Variants in DDX23 observed in about 807,000 individuals in gnomAD.
DDX23 encodes DEAD-box helicase 23, also known as probable ATP-dependent RNA helicase DDX23.
In DDX23, 33 loss-of-function variants were observed where a neutral mutation model predicts 102.7. The observed-to-expected ratio is 0.32, with a 90% CI of 0.24 to 0.43. DDX23 has a LOEUF of 0.43. Ranked by LOEUF, DDX23 falls within the 20% of genes least tolerant of loss-of-function variation. DDX23 has a pLI of 1.00. For missense variants in DDX23, 549 were observed against 1,086.6 expected (o/e 0.51, Z 6.96); for synonymous variants, 352 against 376.0 (o/e 0.94, Z 0.74).
intron 3 of DDX23, among the ~76,000 whole-genome samples, chr12:48,841,434 T>G (rs1161049816): frequency 2.0e-5 from 3 of 152,050 alleles, no homozygotes; most frequent in Non-Finnish European, 4.4e-5. Context: ...TAGAAAAGCT[T>G]CAGGCTCCCT....
intron 1 of DDX23, among the ~76,000 whole-genome samples, chr12:48,848,046 G>A (rs1346546571): frequency 3.9e-5 from 6 of 152,228 alleles, no homozygotes; most frequent in African/African-American, 7.2e-5. Context: ...AGCACTTTGG[G>A]AGGCTGAGGC....
chr12:48,850,248 C>A (rs1938735250), intron 1 of DDX23, among the ~76,000 whole-genome samples: 1 of 152,094 alleles, frequency 6.6e-6, no homozygotes, highest in African/African-American at 2.4e-5. Flanking sequence ...GGAGGCAAAG[C>A]TAACAGGACT....
intron 6 of DDX23, 23 bp from the exon 7 acceptor site, chr12:48,837,680 C>G: frequency 6.2e-7 from 1 of 1,613,608 alleles, no homozygotes; most frequent in Non-Finnish European, 8.5e-7. Flanking sequence ...GAAAGCAAAG[C>G]TGCAGAAGAG....
chr12:48,845,850 A>AT, intron 1 of DDX23, 68 bp from the exon 2 acceptor site: 1 of 1,512,566 alleles, frequency 6.6e-7, no homozygotes, highest in Non-Finnish European at 9.0e-7. Flanking sequence ...ATATAATTCA[A>AT]TTACCCTCAA....
intron 3 of DDX23, among the ~76,000 whole-genome samples, chr12:48,842,726 G>A (rs1250724130): frequency 1.3e-5 from 2 of 151,314 alleles, no homozygotes; most frequent in Middle Eastern, 3.4e-3. Context: ...GGTGAGGGGC[G>A]CCTCTGCCCG....
At chr12:48,849,246 C>G (rs780772903) in intron 1 of DDX23, among the ~76,000 whole-genome samples, 2 of 152,044 alleles carry the variant, frequency 1.3e-5, no homozygotes, top group Non-Finnish European at 2.9e-5. Flanking sequence ...CCTGTAGTAC[C>G]AGCACCTTGG....
chr12:48,850,004 G>A (rs189259030), intron 1 of DDX23, among the ~76,000 whole-genome samples: 13 of 152,340 alleles, frequency 8.5e-5, no homozygotes, highest in Admixed American at 3.3e-4. Context: ...ATGTGTTACA[G>A]GTCAGAGTAG....
In DDX23 at chr12:48,840,086, T is replaced by C. The variant is rs775215353; in HGVS notation, c.341A>G (p.Lys114Arg). 7 of 1,614,008 alleles carry C rather than the reference T, an allele frequency of 4.3e-6. No homozygotes were observed. The highest frequency in any genetic ancestry group is 5.1e-6 in the Non-Finnish European group (6 of 1,179,954). Residue 114 changes from lysine (K) to arginine (R), a missense_variant, in exon 4 of 17, where the codon AAA becomes AGA. Transcript: ENST00000308025. Reference sequence around the variant, plus strand: ...TCTGTCCTTCCGAGATTTAAAGTCTTTTCCTCGACCAGGAGATAAGCTTTG... The same window carrying C: ...TCTGTCCTTCCGAGATTTAAAGTCTCTTCCTCGACCAGGAGATAAGCTTTG... Reference protein sequence around the residue: ...KRSSLSPGRGKDFKSRKDRDS... With the variant: ...KRSSLSPGRGRDFKSRKDRDS...
At position 48,837,403 on chromosome 12, in the gene DDX23, G is replaced by A. The variant is rs770600773; in HGVS notation, c.754-10C>T. On this transcript the variant is annotated splice_polypyrimidine_tract_variant and intron_variant, in intron 7 of 16. Transcript: ENST00000308025. ...CACCCAGGTAACGCTCCTACCCAGG[G>A]ACAGAACACAAAGCACATGAGCTTT... 5.0e-6 allele frequency: 8 copies of A among 1,613,904 alleles called. No homozygotes were observed. The African/African-American group carries it at 1.1e-4, about 22-fold the overall frequency.
chr12:48,845,981 G>T (rs1938661129), intron 1 of DDX23, among the ~76,000 whole-genome samples, 199 bp from the exon 2 acceptor site: 1 of 152,192 alleles, frequency 6.6e-6, no homozygotes. Flanking sequence ...CAGGCAGTCT[G>T]GCTCCACAGG....
chr12:48,852,055 G>A (rs1938770469), intron 1 of DDX23, 29 bp downstream of exon 1: 1 of 152,322 alleles, frequency 6.6e-6, no homozygotes, highest in African/African-American at 2.4e-5. Flanking sequence ...GTAAGCTCGT[G>A]GGAACCGCCT....
In DDX23 at chr12:48,845,696, C is replaced by T. The variant is rs1592205027; in HGVS notation, c.87G>A (p.Glu29=). 3.7e-6 allele frequency: 6 copies of T among 1,614,228 alleles called. No individual in the cohort carries two copies. Among genetic ancestry groups the T allele is most frequent in the Non-Finnish European group, 5.1e-6 (6 of 1,180,038 alleles). ...ERKRSRTPDR[E]RDRDRDRKSS... The stretch of plus-strand genomic sequence containing the variant: ...ACTTCCGGTCCCGGTCTCTATCCCG[C>T]TCTCTGTCAGGAGTCCGTGATCGCT... Residue 29 remains glutamate (E), a synonymous_variant, in exon 2 of 17, where the codon GAG becomes GAA. Coordinates refer to ENST00000308025, the MANE Select transcript of DDX23 (RefSeq NM_004818.3).
intron 1 of DDX23, among the ~76,000 whole-genome samples, chr12:48,850,652 G>T (rs1164414885): frequency 6.6e-6 from 1 of 152,180 alleles, no homozygotes; most frequent in African/African-American, 2.4e-5. Flanking sequence ...GGATGAACCA[G>T]AGAAAAAGAC....
intron 7 of DDX23, 61 bp downstream of exon 7, chr12:48,837,463 C>T: frequency 6.2e-7 from 1 of 1,612,782 alleles, no homozygotes; most frequent in South Asian, 1.1e-5. Flanking sequence ...ATCACAATGG[C>T]CAAATAACTA....
At chr12:48,842,838 G>A (rs1033061289) in intron 3 of DDX23, among the ~76,000 whole-genome samples, 50 of 152,214 alleles carry the variant, frequency 3.3e-4, no homozygotes, top group Admixed American at 2.2e-3. Context: ...TGACAGTGGC[G>A]GTTTTGTGGA....
At position 48,836,464 on chromosome 12, in the gene DDX23, GCC is replaced by G; in HGVS notation, c.1236+103_1236+104del. On this transcript the variant is annotated intron_variant, in intron 10 of 16. Transcript: ENST00000308025. This position sits in a 1 kb window ranked among gnomAD's most constrained non-coding sequence, Gnocchi z 6.1. ...AAGTGACAGAAAAGGTCACATTGGT[GCC>G]CACTAGCAGCGATGGCTCCAAATAG... 1 of 1,288,264 alleles carries G rather than the reference GCC, an allele frequency of 7.8e-7. No homozygotes were observed. The highest frequency in any genetic ancestry group is 1.4e-5 in the South Asian group (1 of 73,546). The allele number at this position is 1,288,264 out of a possible 1,614,324, so 79.8% of individuals were successfully genotyped here.
chr12:48,837,523 C>A lies in DDX23; in HGVS notation c.753+1G>T. Reference sequence around the variant, plus strand: ...AGTGAAGATGGAGCCAAGGCCTGCACCTTAATGGCATGCAGTTCCTTGCTC... The same window carrying A: ...AGTGAAGATGGAGCCAAGGCCTGCAACTTAATGGCATGCAGTTCCTTGCTC... On this transcript the variant is annotated splice_donor_variant, in intron 7 of 16. Transcript: ENST00000308025. LOFTEE classifies it high-confidence loss of function. 1 of 1,614,148 alleles carries A rather than the reference C, an allele frequency of 6.2e-7. No homozygotes were observed. The highest frequency in any genetic ancestry group is 8.5e-7 in the Non-Finnish European group (1 of 1,180,034).
intron 3 of DDX23, among the ~76,000 whole-genome samples, chr12:48,840,550 ATTTTT>A (rs747756955): frequency 1.5e-5 from 2 of 131,918 alleles, no homozygotes; most frequent in African/African-American, 2.9e-5. Context: ...TTAGAGAAAA[ATTTTT>A]TTTTTTTTTT....
chr12:48,832,911 C>T lies in DDX23; in HGVS notation c.1804-338G>A. ...CAGAGGACTGTACCTAGGCACACTT[C>T]ATTCTAGAAACATGTACTCTGAGCC... On this transcript the variant is annotated intron_variant, in intron 13 of 16. Coordinates refer to ENST00000308025, the MANE Select transcript of DDX23 (RefSeq NM_004818.3). The surrounding 1 kb of genome is among the most constrained non-coding windows in gnomAD (Gnocchi z 4.4). The T allele has an allele frequency of 2.2e-6, 1 of 446,540 alleles. No individual in the cohort carries two copies. Among genetic ancestry groups the T allele is most frequent in the Non-Finnish European group, 4.0e-6 (1 of 247,314 alleles). The allele number at this position is 446,540 out of a possible 1,614,324, so 27.7% of individuals were successfully genotyped here.
Sources: allele counts gnomAD v4.1 joint callset (sites outside exome capture counted in the v4.1 genomes callset), GRCh38; gene constraint gnomAD v4.1.1; non-coding constraint Gnocchi (gnomAD v3.1); transcripts MANE v1.5; gene names NCBI Gene and HGNC (gene_info 2026-07-23, HGNC 2026-07-21).